ANTXR2: variants seen among roughly 807,000 people sequenced by gnomAD.
The protein encoded by ANTXR2 is anthrax toxin receptor 2.
ANTXR2 carries 44 observed loss-of-function variants against 73.7 expected under a neutral mutation model. The ratio of observed to expected loss-of-function variants is 0.60; its 90% CI spans 0.47 to 0.77. The LOEUF is 0.77. ANTXR2 is among the 30% of genes least tolerant of loss of function. The probability of loss-of-function intolerance (pLI) is 0.00; values close to 1 mark genes in which losing one functional copy is unlikely to be tolerated. For synonymous variants in ANTXR2, 217 were observed against 205.9 expected (o/e 1.05, Z -0.46); for missense variants, 604 against 592.5 (o/e 1.02, Z -0.20).
chr4:80,047,686 T>C (rs937291736), intron 7 of ANTXR2, among the ~76,000 whole-genome samples: 4 of 151,726 alleles, frequency 2.6e-5, no homozygotes, highest in South Asian at 2.1e-4. Context: ...CTTTCCAATA[T>C]ACTTGCTGAG....
chr4:80,043,275 G>A (rs571707650), intron 7 of ANTXR2, among the ~76,000 whole-genome samples: 1 of 146,750 alleles, frequency 6.8e-6, no homozygotes, highest in South Asian at 2.2e-4. Flanking sequence ...ATTCCATATT[G>A]TGCCAGTGAA....
chr4:80,065,186 T>G (rs182848916), intron 3 of ANTXR2, among the ~76,000 whole-genome samples: 1 of 152,324 alleles, frequency 6.6e-6, no homozygotes, highest in Admixed American at 6.5e-5. Context: ...TAGCATAATA[T>G]TTAACAGAAC....
intron 16 of ANTXR2, among the ~76,000 whole-genome samples, chr4:79,936,784 A>G (rs1310434879): frequency 6.6e-6 from 1 of 152,170 alleles, no homozygotes; most frequent in Admixed American, 6.5e-5. Flanking sequence ...TAATTGCACT[A>G]TGGGTTATAA....
At chr4:79,932,367 A>G (rs1164511584) in intron 16 of ANTXR2, among the ~76,000 whole-genome samples, 1 of 152,128 alleles carries the variant, frequency 6.6e-6, no homozygotes, top group Non-Finnish European at 1.5e-5. Context: ...GGCCTTAAGC[A>G]TGCATGTTTT....
intron 16 of ANTXR2, among the ~76,000 whole-genome samples, chr4:79,949,278 G>C (rs1728620390): frequency 6.6e-6 from 1 of 152,160 alleles, no homozygotes; most frequent in Admixed American, 6.5e-5. Context: ...AGAGTTATCT[G>C]TTAAATAGAG....
chr4:79,902,394 C>A lies in ANTXR2; in HGVS notation c.*5035G>T, dbSNP rs1726740719. 1.3e-5 allele frequency: 2 copies of A among 152,106 alleles called. No individual in the cohort carries two copies. Among genetic ancestry groups the A allele is most frequent in the South Asian group, 4.1e-4 (2 of 4,826 alleles). The allele number at this position is 152,106 out of a possible 1,614,324, so 9.4% of individuals were successfully genotyped here. On this transcript the variant is annotated 3_prime_UTR_variant, in exon 17 of 17. Transcript: ENST00000403729. The stretch of plus-strand genomic sequence containing the variant: ...GCTATGGGTAGCACAGGCATAGTAA[C>A]TGTCAATTAAGACTTTTTTTCCAAT...
intron 12 of ANTXR2, among the ~76,000 whole-genome samples, chr4:80,001,446 A>C (rs932062687): frequency 2.6e-5 from 4 of 151,692 alleles, no homozygotes; most frequent in Non-Finnish European, 4.4e-5. Context: ...CAAATATTTT[A>C]AAGAATATTT....
At chr4:80,054,812 C>T (rs945412133) in intron 6 of ANTXR2, among the ~76,000 whole-genome samples, 3 of 151,156 alleles carry the variant, frequency 2.0e-5, no homozygotes, top group Admixed American at 6.6e-5. Context: ...AATAGAAATT[C>T]TAACATTATA....
At chr4:79,910,475 C>T (rs1411052587) in intron 16 of ANTXR2, among the ~76,000 whole-genome samples, 1 of 130,752 alleles carries the variant, frequency 7.6e-6, no homozygotes, top group African/African-American at 2.9e-5. Flanking sequence ...CACCACTGCA[C>T]TCCAGCCTAG....
At chr4:79,992,198 T>C (rs1228771221) in intron 12 of ANTXR2, among the ~76,000 whole-genome samples, 1 of 152,014 alleles carries the variant, frequency 6.6e-6, no homozygotes, top group Non-Finnish European at 1.5e-5. Flanking sequence ...TCTTAGTTTT[T>C]TTAATTTTTA....
intron 10 of ANTXR2, among the ~76,000 whole-genome samples, chr4:80,027,835 T>C (rs529739521): frequency 2.0e-5 from 3 of 152,272 alleles, no homozygotes; most frequent in South Asian, 2.1e-4. Context: ...ACAAGGGTCA[T>C]AGAATAAGCC....
intron 11 of ANTXR2, among the ~76,000 whole-genome samples, chr4:80,014,425 G>A (rs1196212059): frequency 6.6e-6 from 1 of 151,878 alleles, no homozygotes; most frequent in Non-Finnish European, 1.5e-5. Flanking sequence ...AATTAGCTGG[G>A]TGTGGCGGCA....
Position 80,072,662 on chromosome 4 carries a change from G to T in ANTXR2, c.-102C>A, listed in dbSNP as rs1578203504. 7.5e-7 allele frequency: 1 copy of T among 1,339,914 alleles called. No individual in the cohort carries two copies. The highest frequency in any genetic ancestry group is 1.5e-5 in the African/African-American group (1 of 65,034). 83.0% of individuals were successfully genotyped at this position (1,339,914 alleles called of 1,614,324 possible). On this transcript the variant is annotated 5_prime_UTR_variant, in exon 1 of 17. Transcript: ENST00000403729. The stretch of plus-strand genomic sequence containing the variant: ...CACCCGGCACGCACTCTGGGGTGGG[G>T]GGCGGCGAGCAGCTGAGACGCCGGC...
chr4:80,045,573 AG>A (rs1410568443), intron 7 of ANTXR2, among the ~76,000 whole-genome samples: 1 of 145,752 alleles, frequency 6.9e-6, no homozygotes, highest in East Asian at 2.6e-4. Flanking sequence ...AGTCTAAAAA[AG>A]CAAGGTTTTT....
At chr4:79,930,043 TGGCA>T (rs1246872264) in intron 16 of ANTXR2, among the ~76,000 whole-genome samples, 3 of 152,202 alleles carry the variant, frequency 2.0e-5, no homozygotes, top group Non-Finnish European at 4.4e-5. Flanking sequence ...AGCAAGTAAG[TGGCA>T]GGACCAAGAT....
chr4:80,069,179 A>G (rs1298656306), intron 3 of ANTXR2, among the ~76,000 whole-genome samples: 1 of 150,436 alleles, frequency 6.6e-6, no homozygotes, highest in Non-Finnish European at 1.5e-5. Flanking sequence ...CGGGGAAGGT[A>G]GGAAGTGGTG....
intron 16 of ANTXR2, among the ~76,000 whole-genome samples, chr4:79,977,064 G>A (rs1222750148): frequency 6.6e-6 from 1 of 152,170 alleles, no homozygotes; most frequent in Non-Finnish European, 1.5e-5. Context: ...GGCTTCCCTG[G>A]TGGGGAAAAA....
At chr4:79,912,207 A>G (rs527797164) in intron 16 of ANTXR2, among the ~76,000 whole-genome samples, 163 of 152,058 alleles carry the variant, frequency 1.1e-3, no homozygotes, top group African/African-American at 3.8e-3. Flanking sequence ...CACTGACTTT[A>G]TGCTATAGCG....
intron 3 of ANTXR2, among the ~76,000 whole-genome samples, chr4:80,057,287 T>C (rs990124549): frequency 1.3e-5 from 2 of 152,128 alleles, no homozygotes; most frequent in Admixed American, 1.3e-4. Flanking sequence ...TATAGGTACA[T>C]GTGTGTATAC....
Sources: gnomAD v4.1 joint callset for allele counts (sites outside exome capture counted in the v4.1 genomes callset) on GRCh38, gnomAD v4.1.1 for gene constraint, MANE v1.5 for transcripts, NCBI Gene and HGNC (gene_info 2026-07-23, HGNC 2026-07-21) for gene names.